The following FHIT variants were observed in gnomAD, a reference collection of about 807,000 sequenced individuals.
The protein encoded by FHIT is bis(5'-adenosyl)-triphosphatase.
In FHIT, 19 loss-of-function variants were observed where a neutral mutation model predicts 17.9. That is an observed-to-expected ratio of 1.06 (90% CI 0.74 to 1.56). The LOEUF is 1.56. FHIT is among the 40% of genes most tolerant of loss of function. The pLI is 0.00. For missense variants in FHIT, 248 were observed against 189.2 expected (o/e 1.31, Z -1.82); for synonymous variants, 81 against 69.7 (o/e 1.16, Z -0.81).
chr3:61,221,479 T>TGAGGTC (rs2039836588), intron 1 of FHIT, among the ~76,000 whole-genome samples: 8 of 152,338 alleles, frequency 5.3e-5, no homozygotes, highest in East Asian at 1.9e-4. Flanking sequence ...CTTTCCATCA[T>TGAGGTC]TACATAGACC....
intron 1 of FHIT, among the ~76,000 whole-genome samples, chr3:61,211,251 C>G (rs898784970): frequency 6.6e-6 from 1 of 151,862 alleles, no homozygotes; most frequent in African/African-American, 2.4e-5. Flanking sequence ...CTTTCCTAGT[C>G]AAAGAAAGGG....
chr3:60,667,671 G>A (rs2040412047), intron 4 of FHIT, among the ~76,000 whole-genome samples: 2 of 152,050 alleles, frequency 1.3e-5, no homozygotes, highest in Non-Finnish European at 2.9e-5. Context: ...TGGTATGAAG[G>A]ATAATTTTTT....
chr3:60,531,015 T>C (rs1215698953), intron 5 of FHIT, among the ~76,000 whole-genome samples: 1 of 152,128 alleles, frequency 6.6e-6, no homozygotes, highest in Non-Finnish European at 1.5e-5. Context: ...TTGAACACAA[T>C]AATCTGCCAA....
intron 5 of FHIT, among the ~76,000 whole-genome samples, chr3:60,022,279 G>C (rs562444216): frequency 1.1e-4 from 16 of 152,306 alleles, no homozygotes; most frequent in African/African-American, 3.4e-4. Context: ...GAGAAGTTGA[G>C]CATTAAAATA....
chr3:60,157,755 G>C (rs1022838386), intron 5 of FHIT, among the ~76,000 whole-genome samples: 5 of 152,140 alleles, frequency 3.3e-5, no homozygotes, highest in African/African-American at 1.2e-4. Context: ...TTGCAAAGGA[G>C]TCTCAGGATG....
chr3:59,906,982 A>G (rs1704612274), intron 8 of FHIT, among the ~76,000 whole-genome samples: 1 of 152,226 alleles, frequency 6.6e-6, no homozygotes, highest in African/African-American at 2.4e-5. Context: ...TCTCAGGGCA[A>G]GTGATTCTTT....
At chr3:61,180,369 GA>G (rs750751888) in intron 2 of FHIT, among the ~76,000 whole-genome samples, 2 of 152,194 alleles carry the variant, frequency 1.3e-5, no homozygotes, top group Non-Finnish European at 2.9e-5. Context: ...TATGTTTTTA[GA>G]AACACCAGTA....
intron 5 of FHIT, among the ~76,000 whole-genome samples, chr3:60,354,931 C>T (rs571486217): frequency 2.6e-5 from 4 of 152,268 alleles, no homozygotes; most frequent in Middle Eastern, 3.4e-3. Flanking sequence ...GAGTCTGTGA[C>T]TACTTATCCT....
At chr3:60,516,883 G>A (rs933863074) in intron 5 of FHIT, among the ~76,000 whole-genome samples, 1 of 152,126 alleles carries the variant, frequency 6.6e-6, no homozygotes, top group Non-Finnish European at 1.5e-5. Flanking sequence ...ATTATAATAG[G>A]AGCTTCAGTA....
intron 4 of FHIT, among the ~76,000 whole-genome samples, chr3:60,665,347 AGTTCT>A (rs1259161302): frequency 1.3e-5 from 2 of 151,980 alleles, no homozygotes; most frequent in Non-Finnish European, 2.9e-5. Flanking sequence ...TCTGTATAGT[AGTTCT>A]ATTTGTTGTT....
intron 4 of FHIT, among the ~76,000 whole-genome samples, chr3:60,790,241 G>T (rs1290908750): frequency 1.3e-5 from 2 of 152,126 alleles, no homozygotes; most frequent in African/African-American, 2.4e-5. Flanking sequence ...TCAACGGCAG[G>T]TCCCAAAAGT....
At chr3:60,040,380 G>C (rs1310293683) in intron 5 of FHIT, among the ~76,000 whole-genome samples, 1 of 152,008 alleles carries the variant, frequency 6.6e-6, no homozygotes, top group Non-Finnish European at 1.5e-5. Context: ...TCTTGACCTG[G>C]TGATCCACCC....
At chr3:60,135,123 C>T (rs909494880) in intron 5 of FHIT, among the ~76,000 whole-genome samples, 4 of 152,076 alleles carry the variant, frequency 2.6e-5, no homozygotes, top group Non-Finnish European at 5.9e-5. Context: ...GGATGGACAA[C>T]AGTGCCACAG....
At chr3:59,764,238 G>T (rs1701678656) in intron 8 of FHIT, among the ~76,000 whole-genome samples, 1 of 152,138 alleles carries the variant, frequency 6.6e-6, no homozygotes, top group African/African-American at 2.4e-5. Context: ...GATGCAGGCT[G>T]ACCTCACAGA....
At position 61,099,409 on chromosome 3, in the gene FHIT, T is replaced by C. The variant is rs1480842452; in HGVS notation, c.-163-57310A>G. Among the ~76,000 whole-genome samples the C allele has an allele frequency of 3.3e-5, 5 of 152,286 alleles. No individual in the cohort carries two copies. The East Asian group carries it at 9.7e-4, about 29-fold the overall frequency. Reference sequence around the variant, plus strand: ...TTGTTGTATCTCTGTCAGGTTTTGATATCAGGATGCTGCTGGCCTCATAGA... The same window carrying C: ...TTGTTGTATCTCTGTCAGGTTTTGACATCAGGATGCTGCTGGCCTCATAGA... On this transcript the variant is annotated intron_variant, in intron 2 of 9. Coordinates refer to ENST00000492590, the MANE Select transcript of FHIT (RefSeq NM_002012.4).
Position 60,934,921 on chromosome 3 carries a change from C to T in FHIT, c.-111+107126G>A, listed in dbSNP as rs149096160. On this transcript the variant is annotated intron_variant, in intron 3 of 9. Transcript: ENST00000492590. ...TAAACATGTTCATAACACTGCACCC[C>T]GGAAAGTGCCCCTCCTGGCTCCATT... 3.8e-4 allele frequency among the ~76,000 whole-genome samples: 58 copies of T among 152,254 alleles called. 1 individual carries two copies. In the East Asian group the frequency reaches 8.3e-3, roughly 22 times the overall value.
At chr3:60,871,397 C>T (rs951619973) in intron 3 of FHIT, among the ~76,000 whole-genome samples, 3 of 152,076 alleles carry the variant, frequency 2.0e-5, no homozygotes, top group Non-Finnish European at 4.4e-5. Flanking sequence ...TATCAAACTA[C>T]TCAGCAAAAG....
intron 8 of FHIT, among the ~76,000 whole-genome samples, chr3:59,896,940 C>T (rs551454852): frequency 1.5e-4 from 23 of 152,158 alleles, no homozygotes; most frequent in African/African-American, 3.4e-4. Flanking sequence ...ATGTTAGCAA[C>T]GATTGGGAGG....
At chr3:59,843,518 A>G (rs1011091264) in intron 8 of FHIT, among the ~76,000 whole-genome samples, 4 of 151,902 alleles carry the variant, frequency 2.6e-5, no homozygotes, top group African/African-American at 9.7e-5. Context: ...TAGTATTGAA[A>G]ACAATATTAA....
Sources: gnomAD v4.1 joint callset for allele counts (sites outside exome capture counted in the v4.1 genomes callset) on GRCh38, gnomAD v4.1.1 for gene constraint, MANE v1.5 for transcripts, NCBI Gene and HGNC (gene_info 2026-07-23, HGNC 2026-07-21) for gene names.